Variants in BEND5 observed in about 807,000 individuals in gnomAD.
BEND5 encodes the protein BEN domain containing 5.
A neutral mutation model predicts 43.9 loss-of-function variants in BEND5; 22 were observed. That is an observed-to-expected ratio of 0.50 (90% CI 0.36 to 0.72). The LOEUF is 0.72. BEND5 is among the 30% of genes least tolerant of loss of function. The pLI is 0.00. For missense variants in BEND5, 428 were observed against 550.6 expected (o/e 0.78, Z 2.23); for synonymous variants, 228 against 225.9 (o/e 1.01, Z -0.08).
intron 1 of BEND5, among the ~76,000 whole-genome samples, chr1:48,776,250 A>G (rs1178215319): frequency 6.6e-6 from 1 of 152,226 alleles, no homozygotes; most frequent in African/African-American, 2.4e-5. Context: ...GGTAAAGAGA[A>G]GGTGAGAGAG....
intron 3 of BEND5, among the ~76,000 whole-genome samples, chr1:48,747,927 T>C (rs185154897): frequency 3.9e-5 from 6 of 152,372 alleles, no homozygotes; most frequent in African/African-American, 1.4e-4. Context: ...TTTTTCTTTC[T>C]TTCTTTTTTT....
At chr1:48,739,569 G>A (rs1203586891) in intron 4 of BEND5, among the ~76,000 whole-genome samples, 1 of 152,194 alleles carries the variant, frequency 6.6e-6, no homozygotes. Context: ...CAGCCTGGGT[G>A]TAAATCTCAG....
intron 1 of BEND5, 114 bp downstream of exon 1, chr1:48,776,492 G>C: frequency 2.6e-6 from 2 of 769,344 alleles, no homozygotes; most frequent in Non-Finnish European, 3.8e-6. Flanking sequence ...GGAGAAGGAG[G>C]CAGGAAGGAG....
intron 5 of BEND5, 81 bp from the exon 6 acceptor site, chr1:48,728,124 A>G (rs1034132738): frequency 2.3e-6 from 3 of 1,282,248 alleles, no homozygotes; most frequent in Non-Finnish European, 3.2e-6. Context: ...AAGAAAATGT[A>G]CCTCCCAACA....
At chr1:48,768,006 T>G (rs1311059852) in intron 1 of BEND5, among the ~76,000 whole-genome samples, 1 of 152,164 alleles carries the variant, frequency 6.6e-6, no homozygotes, top group Non-Finnish European at 1.5e-5. Flanking sequence ...AAGCAGAAAC[T>G]GAGGCTCAAA....
intron 4 of BEND5, among the ~76,000 whole-genome samples, chr1:48,738,696 T>C (rs775294157): frequency 6.6e-6 from 1 of 152,190 alleles, no homozygotes; most frequent in Non-Finnish European, 1.5e-5. Flanking sequence ...TCTGCTTTTT[T>C]CCCCCACCAC....
At chr1:48,741,790 G>A (rs1450462026) in intron 4 of BEND5, among the ~76,000 whole-genome samples, 1 of 152,208 alleles carries the variant, frequency 6.6e-6, no homozygotes, top group Non-Finnish European at 1.5e-5. Context: ...TAAGGAGAAC[G>A]AGAGGCGATG....
chr1:48,749,747 T>C (rs1651365090), intron 3 of BEND5, among the ~76,000 whole-genome samples: 1 of 152,222 alleles, frequency 6.6e-6, no homozygotes, highest in African/African-American at 2.4e-5. Context: ...CAGGGAAAAC[T>C]GGACTGGTTC....
chr1:48,770,025 T>C (rs1644733897), intron 1 of BEND5, among the ~76,000 whole-genome samples: 1 of 152,130 alleles, frequency 6.6e-6, no homozygotes, highest in African/African-American at 2.4e-5. Flanking sequence ...CCTGACCTGC[T>C]TGCCACCTTT....
In BEND5 at chr1:48,727,917, T is replaced by C; in HGVS notation, c.1235A>G (p.Glu412Gly). ...MDINKSCKNE[E>G]RREAKYNLQ Reference sequence around the variant, plus strand: ...CAAATTGTATTTTGCTTCCCTTCGTTCTTCATTTTTACAGGATTTATTGAT... The same window carrying C: ...CAAATTGTATTTTGCTTCCCTTCGTCCTTCATTTTTACAGGATTTATTGAT... The change falls in exon 6 of 6, where the codon GAA becomes GGA. Residue 412 changes from glutamate to glycine, a missense_variant. Glu to Gly is a moderately conservative substitution (Grantham distance 98). Around this residue, in one of 4 missense-constraint regions of BEND5, gnomAD observed 75 missense variants for 148.5 expected, o/e 0.50. Coordinates refer to ENST00000371833, the MANE Select transcript of BEND5 (RefSeq NM_024603.4). The C allele has an allele frequency of 1.2e-6, 2 of 1,606,810 alleles. No individual in the cohort carries two copies. Among genetic ancestry groups the C allele is most frequent in the Non-Finnish European group, 1.7e-6 (2 of 1,174,992 alleles).
chr1:48,742,197 A>C (rs1297233233), intron 4 of BEND5, among the ~76,000 whole-genome samples: 1 of 152,180 alleles, frequency 6.6e-6, no homozygotes, highest in African/African-American at 2.4e-5. Flanking sequence ...GATACTTTCT[A>C]AGTGGTGAAT....
chr1:48,759,412 GCAAA>G, intron 2 of BEND5, 128 bp from the exon 3 acceptor site: 1 of 1,393,948 alleles, frequency 7.2e-7, no homozygotes, highest in Middle Eastern at 2.6e-4. Context: ...AGAAACCTGT[GCAAA>G]CACTTAGTCA....
chr1:48,746,852 C>T (rs1279123322), intron 3 of BEND5, among the ~76,000 whole-genome samples: 1 of 152,224 alleles, frequency 6.6e-6, no homozygotes, highest in Admixed American at 6.5e-5. Context: ...GCTGGCAAAA[C>T]GGCAGATGAA....
chr1:48,738,197 G>GA (rs375250728), intron 4 of BEND5, among the ~76,000 whole-genome samples: 1 of 151,880 alleles, frequency 6.6e-6, no homozygotes, highest in African/African-American at 2.4e-5. Context: ...CCATCAAGAA[G>GA]AAAAAAAATA....
intron 3 of BEND5, among the ~76,000 whole-genome samples, chr1:48,744,149 G>A (rs769902807): frequency 6.6e-6 from 1 of 152,272 alleles, no homozygotes; most frequent in South Asian, 2.1e-4. Context: ...CATCATCATC[G>A]TTCTGACAGC....
intron 1 of BEND5, among the ~76,000 whole-genome samples, chr1:48,773,703 TG>T (rs1443295024): frequency 5.9e-5 from 9 of 152,136 alleles, no homozygotes; most frequent in Non-Finnish European, 1.3e-4. Flanking sequence ...GACTGCCAAG[TG>T]GGGGCCTGGC....
chr1:48,752,266 A>G (rs940358078), intron 3 of BEND5, among the ~76,000 whole-genome samples: 1 of 152,202 alleles, frequency 6.6e-6, no homozygotes, highest in Non-Finnish European at 1.5e-5. Flanking sequence ...GAGACAGGAA[A>G]GAGCTCTGAG....
chr1:48,742,223 T>C (rs1650023886), intron 4 of BEND5, among the ~76,000 whole-genome samples: 4 of 152,206 alleles, frequency 2.6e-5, no homozygotes, highest in Admixed American at 2.6e-4. Context: ...CAAACTGAGT[T>C]GTTATCTGTA....
intron 1 of BEND5, among the ~76,000 whole-genome samples, chr1:48,772,458 A>G (rs1413535488): frequency 6.6e-6 from 1 of 152,054 alleles, no homozygotes; most frequent in Non-Finnish European, 1.5e-5. Context: ...TGATTAATCC[A>G]CCTTGGCTGG....
Sources: allele counts gnomAD v4.1 joint callset (sites outside exome capture counted in the v4.1 genomes callset), GRCh38; gene constraint gnomAD v4.1.1; regional missense constraint gnomAD v4.1.1; transcripts MANE v1.5; gene names NCBI Gene and HGNC (gene_info 2026-07-23, HGNC 2026-07-21).